The following RPL26L1 variants were observed in gnomAD, a reference collection of about 807,000 sequenced individuals.
RPL26L1 encodes ribosomal protein L26 like 1.
Under a neutral mutation model 15.2 loss-of-function variants are expected in RPL26L1, and 8 were observed. The ratio of observed to expected loss-of-function variants is 0.53; its 90% CI spans 0.31 to 0.95. The LOEUF is 0.95. Ranked by LOEUF, RPL26L1 falls within the 40% of genes least tolerant of loss-of-function variation. RPL26L1 has a pLI of 0.05. For synonymous variants in RPL26L1, 51 were observed against 65.9 expected (o/e 0.77, Z 1.09); for missense variants, 146 against 190.9 (o/e 0.76, Z 1.39).
intron 2 of RPL26L1, among the ~76,000 whole-genome samples, chr5:172,960,647 A>G (rs72814124): frequency 0.062 from 9,359 of 152,160 alleles, 643 homozygotes; most frequent in African/African-American, 0.17. Context: ...CATAATTTCT[A>G]AAAGACTGGC....
At chr5:172,954,429 C>T (rs917614850), upstream of RPL26L1, among the ~76,000 whole-genome samples, 13 of 115,348 alleles carry the variant, frequency 1.1e-4, no homozygotes, top group Admixed American at 3.3e-4. Flanking sequence ...AATTAGTGGG[C>T]GTGGTGGCCT....
upstream of RPL26L1, chr5:172,958,645 C>A (rs1365144210): frequency 3.4e-6 from 1 of 290,058 alleles, no homozygotes; most frequent in Non-Finnish European, 7.3e-6. Context: ...ACCCGGGGAC[C>A]TTTTACACCC....
intron 2 of RPL26L1, among the ~76,000 whole-genome samples, chr5:172,965,262 C>T (rs1169800030): frequency 6.6e-6 from 1 of 152,216 alleles, no homozygotes; most frequent in African/African-American, 2.4e-5. Flanking sequence ...CCATTCTTCT[C>T]TTGGAGCTTT....
chr5:172,959,928 T>C lies in RPL26L1; in HGVS notation c.55T>C (p.Phe19Leu), dbSNP rs776266591. ...CCGCAGTAAAAACCGCAAACGTCAC[T>C]TCAATGCCCCCTCACACGTGCGCAG... is the stretch of plus-strand genomic sequence containing the variant. ...SDRSKNRKRHFNAPSHVRRKI... is the reference protein window; with the variant it reads ...SDRSKNRKRHLNAPSHVRRKI... The change falls in exon 2 of 4, where the codon TTC becomes CTC. Residue 19 changes from phenylalanine to leucine, a missense_variant. Coordinates refer to ENST00000265100, the MANE Select transcript of RPL26L1 (RefSeq NM_016093.4). The C allele has an allele frequency of 1.1e-5, 17 of 1,614,154 alleles. No homozygotes were observed. The African/African-American group carries it at 2.1e-4, about 20-fold the overall frequency.
upstream of RPL26L1, chr5:172,958,100 A>T (rs914917833): frequency 6.4e-6 from 2 of 310,480 alleles, no homozygotes; most frequent in Admixed American, 8.0e-5. Flanking sequence ...CCCCGTCTCT[A>T]CTAAAAATAC....
Position 172,968,563 on chromosome 5 carries a change from C to T in RPL26L1, c.273C>T (p.Asn91=), listed in dbSNP as rs373992570. 40 of 1,613,922 alleles carry T rather than the reference C, an allele frequency of 2.5e-5. No individual in the cohort carries two copies. The highest frequency in any genetic ancestry group is 1.6e-4 in the Middle Eastern group (1 of 6,082). ...YIERVQREKA[N]GTTVHVGIHP... Reference sequence around the variant, plus strand: ...AGCGGGTGCAGCGTGAGAAGGCCAACGGCACAACTGTCCACGTGGGCATTC... The same window carrying T: ...AGCGGGTGCAGCGTGAGAAGGCCAATGGCACAACTGTCCACGTGGGCATTC... Residue 91 remains asparagine (N), a synonymous_variant, in exon 3 of 4, where the codon AAC becomes AAT. Coordinates refer to ENST00000265100, the MANE Select transcript of RPL26L1 (RefSeq NM_016093.4).
At position 172,969,508 on chromosome 5, in the gene RPL26L1, T is replaced by C; in HGVS notation, c.405T>C (p.Tyr135=). The C allele has an allele frequency of 1.2e-6, 2 of 1,613,466 alleles. No homozygotes were observed. Among genetic ancestry groups the C allele is most frequent in the African/African-American group, 1.3e-5 (1 of 75,022 alleles). ...SRQVGKEKGK[Y]KEELIEKMQE is the part of the protein sequence containing the mutation. ...AAGTTGGAAAAGAGAAAGGCAAATATAAAGAAGAACTTATTGAGAAAATGC... is the reference window on the plus strand; with the variant it reads ...AAGTTGGAAAAGAGAAAGGCAAATACAAAGAAGAACTTATTGAGAAAATGC... The change falls in exon 4 of 4, where the codon TAT becomes TAC. Residue 135 remains tyrosine, a synonymous_variant. Transcript: ENST00000265100.
chr5:172,955,316 A>G (rs577713293), upstream of RPL26L1: 109 of 284,172 alleles, frequency 3.8e-4, 1 homozygote, highest in Non-Finnish European at 6.8e-4. Context: ...TTTAGGAGAA[A>G]CAGGGTTTCA....
intron 2 of RPL26L1, among the ~76,000 whole-genome samples, chr5:172,964,037 T>A (rs1018768121): frequency 2.0e-5 from 3 of 151,998 alleles, no homozygotes; most frequent in Non-Finnish European, 4.4e-5. Context: ...ATGAAAAAAA[T>A]TTTTTGAGTA....
upstream of RPL26L1, among the ~76,000 whole-genome samples, chr5:172,954,337 G>C (rs997528974): frequency 6.6e-6 from 1 of 152,132 alleles, no homozygotes; most frequent in Non-Finnish European, 1.5e-5. Context: ...GGAGGCTGAG[G>C]TGAGAGGATT....
chr5:172,967,630 G>A (rs1425577368), intron 2 of RPL26L1, among the ~76,000 whole-genome samples: 1 of 151,912 alleles, frequency 6.6e-6, no homozygotes, highest in Non-Finnish European at 1.5e-5. Flanking sequence ...TTGAAATTTA[G>A]AAGAATATAA....
chr5:172,969,055 C>T (rs1295355024), intron 3 of RPL26L1, among the ~76,000 whole-genome samples: 1 of 151,964 alleles, frequency 6.6e-6, no homozygotes, highest in African/African-American at 2.4e-5. Flanking sequence ...ATCCGCCCGC[C>T]TCGGCTTTCC....
At chr5:172,959,508 C>T (rs898049614) in intron 1 of RPL26L1, 40 bp downstream of exon 1, 1 of 1,074,706 alleles carries the variant, frequency 9.3e-7, no homozygotes, top group Non-Finnish European at 1.1e-6. Context: ...GTGAACTCTA[C>T]CGCCCCGTGA....
At chr5:172,969,337 T>TA in intron 3 of RPL26L1, 76 bp from the exon 4 acceptor site, 1 of 1,485,840 alleles carries the variant, frequency 6.7e-7, no homozygotes, top group Non-Finnish European at 9.2e-7. Context: ...GAGGTCTTAC[T>TA]TAACTTATGA....
intron 2 of RPL26L1, among the ~76,000 whole-genome samples, chr5:172,967,823 A>C (rs907499129): frequency 2.7e-5 from 4 of 150,024 alleles, no homozygotes; most frequent in Non-Finnish European, 5.9e-5. Flanking sequence ...AAGTACATAT[A>C]TGTATGTATG....
At chr5:172,964,281 CTTTTTT>C (rs1204432096) in intron 2 of RPL26L1, among the ~76,000 whole-genome samples, 6 of 99,234 alleles carry the variant, frequency 6.0e-5, no homozygotes, top group Non-Finnish European at 1.2e-4. Flanking sequence ...GGCCTGTTGC[CTTTTTT>C]TTTTTTTTTT....
At chr5:172,965,143 G>A (rs752526576) in intron 2 of RPL26L1, among the ~76,000 whole-genome samples, 2 of 152,130 alleles carry the variant, frequency 1.3e-5, no homozygotes, top group Admixed American at 6.6e-5. Flanking sequence ...CCAAGATCAC[G>A]CCACTGCACT....
upstream of RPL26L1, chr5:172,956,122 A>G (rs1754967221): frequency 6.6e-6 from 1 of 152,250 alleles, no homozygotes; most frequent in Admixed American, 6.5e-5. Context: ...CAAATAACAC[A>G]GGCTCATAAG....
chr5:172,965,012 C>T (rs1232929157), intron 2 of RPL26L1, among the ~76,000 whole-genome samples: 8 of 152,182 alleles, frequency 5.3e-5, no homozygotes, highest in African/African-American at 4.8e-5. Context: ...GGCGAAATTC[C>T]GTCTGCACTA....
Sources: gnomAD v4.1 joint callset for allele counts (sites outside exome capture counted in the v4.1 genomes callset) on GRCh38, gnomAD v4.1.1 for gene constraint, MANE v1.5 for transcripts, NCBI Gene and HGNC (gene_info 2026-07-23, HGNC 2026-07-21) for gene names.